Variants in BECN1 observed in about 807,000 individuals in gnomAD.
BECN1 encodes the protein beclin-1.
Under a neutral mutation model 60.1 loss-of-function variants are expected in BECN1, and 15 were observed. The observed-to-expected ratio is 0.25, with a 90% confidence interval of 0.17 to 0.38. BECN1 has a LOEUF of 0.38. BECN1 is among the 10% of genes least tolerant of loss of function. The probability of loss-of-function intolerance (pLI) is 1.00; values close to 1 mark genes in which losing one functional copy is unlikely to be tolerated. For synonymous variants in BECN1, 179 were observed against 201.8 expected (o/e 0.89, Z 0.96); for missense variants, 424 against 548.2 (o/e 0.77, Z 2.26).
intron 2 of BECN1, among the ~76,000 whole-genome samples, chr17:42,823,196 T>C (rs2055306374): frequency 6.6e-6 from 1 of 152,210 alleles, no homozygotes; most frequent in East Asian, 1.9e-4. Context: ...TTATTATATA[T>C]ACATATTCCT....
At chr17:42,811,193 ACTT>A (rs1258716259) in intron 11 of BECN1, 1 of 361,500 alleles carries the variant, frequency 2.8e-6, no homozygotes, top group Non-Finnish European at 4.9e-6. Context: ...GGGTTACAGT[ACTT>A]CTTGCTGTTT....
intron 10 of BECN1, chr17:42,812,346 T>C (rs947314489): frequency 2.1e-5 from 3 of 146,180 alleles, no homozygotes; most frequent in African/African-American, 7.7e-5. Context: ...ATCATGCCAT[T>C]GCACTTCAGC....
chr17:42,813,000 GA>G (rs557229730), intron 10 of BECN1: 1 of 140,320 alleles, frequency 7.1e-6, no homozygotes, highest in Non-Finnish European at 1.5e-5. Context: ...ACGCCCAGCT[GA>G]TTTTTTTTTT....
intron 3 of BECN1, among the ~76,000 whole-genome samples, chr17:42,819,820 A>AT (rs367657661): frequency 7.3e-4 from 110 of 149,660 alleles, no homozygotes; most frequent in Admixed American, 1.7e-3. Flanking sequence ...GTCCCATTTG[A>AT]TTTTTTTTTT....
rs775765007 is a variant in BECN1 at position 42,818,572 on chromosome 17, C to T, written c.460G>A (p.Val154Ile). ...LLDQLDTQLNVTENECQNYKR... is the reference protein window; with the variant it reads ...LLDQLDTQLNITENECQNYKR... ...TAGTTCTGACACTCATTTTCAGTGA[C>T]GTTGAGCTGAGTGTCCAGCTGGTCT... Residue 154 changes from valine (V) to isoleucine (I), a missense_variant, in exon 6 of 12, where the codon GTC becomes ATC. Val to Ile is a conservative substitution (Grantham distance 29). This residue lies in a region of BECN1 where 326 missense variants were observed against 406.2 expected (regional missense o/e 0.80). Coordinates refer to ENST00000590099, the MANE Select transcript of BECN1 (RefSeq NM_001313998.2). 7 of 1,614,146 alleles carry T rather than the reference C, an allele frequency of 4.3e-6. No individual in the cohort carries two copies. Among genetic ancestry groups the T allele is most frequent in the South Asian group, 2.2e-5 (2 of 91,078 alleles).
Position 42,818,885 on chromosome 17 carries a change from C to G in BECN1, c.261-8G>C. 6.2e-7 allele frequency: 1 copy of G among 1,613,980 alleles called. No individual in the cohort carries two copies. The highest frequency in any genetic ancestry group is 8.5e-7 in the Non-Finnish European group (1 of 1,179,888). On this transcript the variant is annotated splice_region_variant and splice_polypyrimidine_tract_variant and intron_variant, in intron 4 of 11. Transcript: ENST00000590099. ...CTTTCTGTGGACATCATCCTGCAGA[C>G]AGCCCCCCGCCCACGGGCCACATGA...
Position 42,818,603 on chromosome 17 carries a change from A to G in BECN1, c.429T>C (p.Thr143=). The G allele has an allele frequency of 3.1e-6, 5 of 1,614,144 alleles. No individual in the cohort carries two copies. Among genetic ancestry groups the G allele is most frequent in the Non-Finnish European group, 4.2e-6 (5 of 1,180,022 alleles). The change falls in exon 6 of 12, where the codon ACT becomes ACC. Residue 143 remains threonine, a synonymous_variant. Transcript: ENST00000590099. ...DHPLCEECTD[T]LLDQLDTQLN... is the part of the protein sequence containing the mutation. ...GCTGAGTGTCCAGCTGGTCTAAAAG[A>G]GTATCTGTGCATTCCTCACAGAGTG...
At position 42,814,338 on chromosome 17, in the gene BECN1, G is replaced by A; in HGVS notation, c.980+186C>T. On this transcript the variant is annotated intron_variant, in intron 9 of 11. Transcript: ENST00000590099. ...CTATGCTATAGTCACGCAACTCAGT[G>A]ACTGTGTGATCAGTGGAGAGAGCCC... The A allele has an allele frequency of 6.9e-6, 5 of 721,900 alleles. 1 individual carries two copies. The highest frequency in any genetic ancestry group is 2.9e-5 in the Admixed American group (1 of 34,178). The allele number at this position is 721,900 out of a possible 1,614,324, so 44.7% of individuals were successfully genotyped here.
intron 1 of BECN1, 84 bp downstream of exon 1, chr17:42,824,071 G>T (rs1273432095): frequency 4.7e-6 from 3 of 632,022 alleles, no homozygotes; most frequent in East Asian, 2.9e-5. Context: ...TAGAGCCCAG[G>T]GTCAGGGAAG....
At chr17:42,812,015 C>A in intron 10 of BECN1, 1 of 522,154 alleles carries the variant, frequency 1.9e-6, no homozygotes, top group Non-Finnish European at 3.2e-6. Flanking sequence ...GAAAATGTAC[C>A]ATAGGTTGAG....
intron 1 of BECN1, 79 bp downstream of exon 1, chr17:42,824,076 G>C (rs2055337532): frequency 1.6e-6 from 1 of 607,894 alleles, no homozygotes; most frequent in Non-Finnish European, 2.7e-6. Context: ...CCCAGGGTCA[G>C]GGAAGGGACT....
chr17:42,811,842 G>C (rs573742227), intron 10 of BECN1, 45 bp from the exon 11 acceptor site: 3 of 1,588,986 alleles, frequency 1.9e-6, no homozygotes, highest in Non-Finnish European at 2.6e-6. Flanking sequence ...CACCAAGAAA[G>C]GCTTCCAGAG....
Position 42,818,408 on chromosome 17 carries a change from A to G in BECN1, c.496T>C (p.Leu166=). ...ENECQNYKRC[L]EILEQMNEDD... The stretch of plus-strand genomic sequence containing the variant: ...TCATTCATTTGCTCTAAGATCTCCA[A>G]ACAGCGTCTGCCAAAGACACAGGCA... Residue 166 remains leucine (L), a synonymous_variant, in exon 7 of 12, where the codon TTG becomes CTG. Transcript: ENST00000590099. The G allele has an allele frequency of 6.2e-7, 1 of 1,614,144 alleles. No individual in the cohort carries two copies. Among genetic ancestry groups the G allele is most frequent in the Non-Finnish European group, 8.5e-7 (1 of 1,180,016 alleles).
At chr17:42,811,003 T>C in intron 11 of BECN1, 75 bp from the exon 12 acceptor site, 11 of 1,401,376 alleles carry the variant, frequency 7.8e-6, no homozygotes, top group South Asian at 2.9e-5. Flanking sequence ...GACTTGATCA[T>C]GGGACCATTC....
chr17:42,814,289 G>A, intron 9 of BECN1: 1 of 598,886 alleles, frequency 1.7e-6, no homozygotes, highest in South Asian at 2.3e-5. Flanking sequence ...GAACACTAAG[G>A]CTCTGGGGAC....
Position 42,810,938 on chromosome 17 carries a change from G to A in BECN1, c.1185-10C>T, listed in dbSNP as rs1567666766. 2 of 1,596,860 alleles carry A rather than the reference G, an allele frequency of 1.3e-6. No homozygotes were observed. The highest frequency in any genetic ancestry group is 1.7e-6 in the Non-Finnish European group (2 of 1,171,466). ...TTTCTCCACATCCATCCTGCAGATGGACAGAGCAAAACTCATTAGTAACTG... is the reference window on the plus strand; with the variant it reads ...TTTCTCCACATCCATCCTGCAGATGAACAGAGCAAAACTCATTAGTAACTG... On this transcript the variant is annotated splice_polypyrimidine_tract_variant and intron_variant, in intron 11 of 11. Coordinates refer to ENST00000590099, the MANE Select transcript of BECN1 (RefSeq NM_001313998.2).
intron 2 of BECN1, among the ~76,000 whole-genome samples, chr17:42,822,262 A>G (rs2055281733): frequency 6.6e-6 from 1 of 152,248 alleles, no homozygotes; most frequent in Non-Finnish European, 1.5e-5. Context: ...AGGTAATAAT[A>G]GCAGCTAATA....
chr17:42,811,624 A>G (rs1597924743), intron 11 of BECN1, 31 bp downstream of exon 11: 1 of 1,595,314 alleles, frequency 6.3e-7, no homozygotes, highest in Non-Finnish European at 8.5e-7. Context: ...TTGGTCCTAT[A>G]CAAGTTCACT....
intron 10 of BECN1, among the ~76,000 whole-genome samples, chr17:42,813,311 G>C (rs2055073598): frequency 6.6e-6 from 1 of 151,760 alleles, no homozygotes; most frequent in South Asian, 2.1e-4. Context: ...GAGGCGGGTG[G>C]ATCACCTGAG....
Sources: allele counts gnomAD v4.1 joint callset (sites outside exome capture counted in the v4.1 genomes callset), GRCh38; gene constraint gnomAD v4.1.1; regional missense constraint gnomAD v4.1.1; transcripts MANE v1.5; gene names NCBI Gene and HGNC (gene_info 2026-07-23, HGNC 2026-07-21).